Variants in TVP23A observed in about 807,000 individuals in gnomAD.
The protein encoded by TVP23A is trans-golgi network vesicle protein 23 homolog A.
A neutral mutation model predicts 31.7 loss-of-function variants in TVP23A; 21 were observed. That is an observed-to-expected ratio of 0.66 (90% CI 0.47 to 0.95). TVP23A has a LOEUF of 0.95. Among genes scored for constraint, TVP23A ranks in the 40% least tolerant of loss-of-function variants. TVP23A has a pLI of 0.00. For synonymous variants in TVP23A, 104 were observed against 96.0 expected, an observed-to-expected ratio of 1.08 and a Z score of -0.49; for missense variants, 279 against 255.6, an observed-to-expected ratio of 1.09 and a Z score of -0.62.
chr16:10,770,868 CAAAAAAAA>C (rs376701429), intron 6 of TVP23A, among the ~76,000 whole-genome samples: 25,765 of 65,922 alleles, frequency 0.39, 2,477 homozygotes, highest in South Asian at 0.52. Context: ...ACTCCCATCT[CAAAAAAAA>C]AAAAAAAAAA....
intron 2 of TVP23A, chr16:10,775,512 G>A: frequency 9.6e-7 from 1 of 1,044,462 alleles, no homozygotes; most frequent in Non-Finnish European, 1.2e-6. Flanking sequence ...GCAGCCCACG[G>A]GGCAGGTGTC....
intron 2 of TVP23A, among the ~76,000 whole-genome samples, chr16:10,790,710 G>C (rs1269371310): frequency 6.6e-6 from 1 of 152,132 alleles, no homozygotes; most frequent in Non-Finnish European, 1.5e-5. Context: ...ATGGTTTGTA[G>C]GGGTCCTATC....
chr16:10,773,777 C>T (rs1048932131), intron 4 of TVP23A, among the ~76,000 whole-genome samples: 2 of 152,034 alleles, frequency 1.3e-5, no homozygotes, highest in African/African-American at 4.8e-5. Context: ...CACCATGTTG[C>T]CCAGGCTAGT....
At chr16:10,798,055 A>G (rs1452798123) in intron 2 of TVP23A, among the ~76,000 whole-genome samples, 3 of 147,824 alleles carry the variant, frequency 2.0e-5, no homozygotes, top group Non-Finnish European at 4.4e-5. Context: ...TCCCGGGTTC[A>G]AGCAATTCCC....
rs1442785271 is a variant in TVP23A, at chr16:10,768,839, G to T, written c.*263C>A. The T allele has an allele frequency of 2.3e-5, 12 of 524,096 alleles. No individual in the cohort carries two copies. Among genetic ancestry groups the T allele is most frequent in the Middle Eastern group, 4.9e-4 (1 of 2,060 alleles). 32.5% of individuals were successfully genotyped at this position (524,096 alleles called of 1,614,324 possible). A position where few individuals can be genotyped will look rare whatever the true frequency, so the allele number is the denominator to read the frequency against. ...CTCCATCTATAGATGGTCCGAGGAA[G>T]GCCGCAGCCACTGGTTATGAGCAAG... On this transcript the variant is annotated 3_prime_UTR_variant, in exon 8 of 8. Coordinates refer to ENST00000299866, the MANE Select transcript of TVP23A (RefSeq NM_001079512.4). The surrounding 1 kb of genome is among the most constrained non-coding windows in gnomAD (Gnocchi z 4.3).
chr16:10,814,587 A>C (rs2034351819), intron 2 of TVP23A, among the ~76,000 whole-genome samples: 1 of 144,444 alleles, frequency 6.9e-6, no homozygotes, highest in Admixed American at 6.7e-5. Flanking sequence ...TTCCACCCCA[A>C]CAACCCAGCC....
chr16:10,810,937 C>A (rs1371276802), intron 2 of TVP23A, among the ~76,000 whole-genome samples: 1 of 152,148 alleles, frequency 6.6e-6, no homozygotes, highest in Non-Finnish European at 1.5e-5. Flanking sequence ...TGAATGAATT[C>A]CTCATAATAA....
chr16:10,776,422 A>G lies in TVP23A; in HGVS notation c.90-1326T>C, dbSNP rs73497711. 2.8e-3 allele frequency among the ~76,000 whole-genome samples: 426 copies of G among 152,266 alleles called. 2 individuals are homozygous for G. The highest frequency in any genetic ancestry group is 9.5e-3 in the African/African-American group (393 of 41,558). ...TAAAAACAAGAAAAGAAAGGTTACC[A>G]AATTGTATAGAGCAGGTGATGGCAG... On this transcript the variant is annotated intron_variant, in intron 2 of 7. Transcript: ENST00000299866.
chr16:10,804,652 G>A (rs1567311864), intron 2 of TVP23A, among the ~76,000 whole-genome samples: 2 of 152,200 alleles, frequency 1.3e-5, no homozygotes, highest in Admixed American at 6.5e-5. Context: ...AGGCTGAGGG[G>A]GGAGGATCGC....
At chr16:10,808,178 G>A (rs1337515224) in intron 2 of TVP23A, among the ~76,000 whole-genome samples, 3 of 152,346 alleles carry the variant, frequency 2.0e-5, no homozygotes, top group South Asian at 2.1e-4. Flanking sequence ...AATAGTGCTT[G>A]CATATAGTAA....
At position 10,818,735 on chromosome 16, in the gene TVP23A, G is replaced by A. The variant is rs1049691253; in HGVS notation, c.-242C>T. ...GCTCGCCGGGGACGCGCCCAGGAGAGAAAGCGGCGGCAGGGAGGCAACGGC... is the reference window on the plus strand; with the variant it reads ...GCTCGCCGGGGACGCGCCCAGGAGAAAAAGCGGCGGCAGGGAGGCAACGGC... On this transcript the variant is annotated 5_prime_UTR_variant, in exon 1 of 8. Transcript: ENST00000299866. The surrounding 1 kb of genome is among the most constrained non-coding windows in gnomAD (Gnocchi z 4.7). The A allele has an allele frequency of 8.3e-5, 41 of 496,060 alleles. No individual in the cohort carries two copies. Among genetic ancestry groups the A allele is most frequent in the African/African-American group, 7.6e-4 (37 of 48,772 alleles). 30.7% of individuals were successfully genotyped at this position (496,060 alleles called of 1,614,324 possible). A position where few individuals can be genotyped will look rare whatever the true frequency, so the allele number is the denominator to read the frequency against.
chr16:10,800,419 C>T (rs2033640556), intron 2 of TVP23A: 1 of 152,150 alleles, frequency 6.6e-6, no homozygotes, highest in African/African-American at 2.4e-5. Context: ...CAGGGTGTGT[C>T]TACTAATGGT....
intron 2 of TVP23A, among the ~76,000 whole-genome samples, chr16:10,807,815 G>A (rs1044950755): frequency 6.6e-6 from 1 of 152,222 alleles, no homozygotes; most frequent in Non-Finnish European, 1.5e-5. Context: ...CGCCCTGTGA[G>A]TATCTGCGCA....
At position 10,818,232 on chromosome 16, in the gene TVP23A, C is replaced by A; in HGVS notation, c.10-50G>T. The stretch of plus-strand genomic sequence containing the variant: ...GCAGGCCCAAGCACGGCGCACACCC[C>A]AACCCCACCCGCCCTGTCCTCCTGG... On this transcript the variant is annotated intron_variant, in intron 1 of 7. Coordinates refer to ENST00000299866, the MANE Select transcript of TVP23A (RefSeq NM_001079512.4). This position sits in a 1 kb window ranked among gnomAD's most constrained non-coding sequence, Gnocchi z 4.7. The A allele has an allele frequency of 6.8e-7, 1 of 1,461,668 alleles. No individual in the cohort carries two copies. Among genetic ancestry groups the A allele is most frequent in the Non-Finnish European group, 9.4e-7 (1 of 1,068,182 alleles). The allele number at this position is 1,461,668 out of a possible 1,614,324, so 90.5% of individuals were successfully genotyped here. A position where few individuals can be genotyped will look rare whatever the true frequency, so the allele number is the denominator to read the frequency against.
intron 5 of TVP23A, among the ~76,000 whole-genome samples, chr16:10,772,021 A>G (rs1281919636): frequency 2.2e-5 from 3 of 133,882 alleles, no homozygotes; most frequent in African/African-American, 6.5e-5. Context: ...CTGTTTCACC[A>G]TGTTAGCCAG....
intron 2 of TVP23A, among the ~76,000 whole-genome samples, chr16:10,778,551 G>A (rs943261477): frequency 2.0e-5 from 3 of 151,814 alleles, no homozygotes; most frequent in Non-Finnish European, 4.4e-5. Context: ...ATCCCCAAAA[G>A]CACCCAGTAT....
chr16:10,767,734 A>G lies in TVP23A; in HGVS notation c.*1368T>C. ...CTGGAACCTGCATTTTCTGTACACC[A>G]CCTGATTATTTAGCCACGCTGAAAT... On this transcript the variant is annotated 3_prime_UTR_variant, in exon 8 of 8. Transcript: ENST00000299866. The surrounding 1 kb of genome is among the most constrained non-coding windows in gnomAD (Gnocchi z 4.6). 4 of 580,010 alleles carry G rather than the reference A, an allele frequency of 6.9e-6. No individual in the cohort carries two copies. Among genetic ancestry groups the G allele is most frequent in the African/African-American group, 1.9e-5 (1 of 53,444 alleles). 35.9% of individuals were successfully genotyped at this position (580,010 alleles called of 1,614,324 possible). A position where few individuals can be genotyped will look rare whatever the true frequency, so the allele number is the denominator to read the frequency against.
At chr16:10,790,354 G>A (rs1057040222) in intron 2 of TVP23A, among the ~76,000 whole-genome samples, 3 of 141,122 alleles carry the variant, frequency 2.1e-5, no homozygotes, top group Non-Finnish European at 4.5e-5. Flanking sequence ...GCGTGATCTC[G>A]GCTCACTACA....
Position 10,818,701 on chromosome 16 carries a change from G to T in TVP23A, c.-208C>A, listed in dbSNP as rs978241268. Reference sequence around the variant, plus strand: ...CTAAGGCGCAGTCGCAGGCTGGGGAGGGGGCTCGGCTCGCCGGGGACGCGC... The same window carrying T: ...CTAAGGCGCAGTCGCAGGCTGGGGATGGGGCTCGGCTCGCCGGGGACGCGC... On this transcript the variant is annotated 5_prime_UTR_variant, in exon 1 of 8. Transcript: ENST00000299866. This position sits in a 1 kb window ranked among gnomAD's most constrained non-coding sequence, Gnocchi z 4.7. 9.0e-6 allele frequency: 5 copies of T among 556,036 alleles called. No homozygotes were observed. The highest frequency in any genetic ancestry group is 4.2e-5 in the Admixed American group (1 of 23,694). The allele number at this position is 556,036 out of a possible 1,614,324, so 34.4% of individuals were successfully genotyped here. A position where few individuals can be genotyped will look rare whatever the true frequency, so the allele number is the denominator to read the frequency against.
Sources: allele counts gnomAD v4.1 joint callset (sites outside exome capture counted in the v4.1 genomes callset), GRCh38; gene constraint gnomAD v4.1.1; non-coding constraint Gnocchi (gnomAD v3.1); transcripts MANE v1.5; gene names NCBI Gene and HGNC (gene_info 2026-07-23, HGNC 2026-07-21).